Variants in SVEP1 observed in about 807,000 individuals in gnomAD.
SVEP1 encodes the protein sushi, von Willebrand factor type A, EGF and pentraxin domain containing 1, also known as sushi, von Willebrand factor type A, EGF and pentraxin domain-containing protein 1.
SVEP1 carries 164 observed loss-of-function variants against 367.3 expected under a neutral mutation model. The observed-to-expected ratio is 0.45, with a 90% CI of 0.39 to 0.51. The LOEUF (loss-of-function observed/expected upper bound fraction) is 0.51, where lower values mean the gene tolerates loss of function less well. SVEP1 is among the 20% of genes least tolerant of loss of function. SVEP1 has a pLI of 0.00. For synonymous variants in SVEP1, 1,666 were observed against 1,611.6 expected (o/e 1.03, Z -0.81); for missense variants, 4,117 against 4,425.3 (o/e 0.93, Z 1.98).
intron 2 of SVEP1, among the ~76,000 whole-genome samples, chr9:110,547,082 A>C (rs1430921217): frequency 6.6e-6 from 1 of 152,222 alleles, no homozygotes; most frequent in Admixed American, 6.5e-5. Flanking sequence ...GAGTTCCAGC[A>C]AGACACACGG....
At chr9:110,390,577 G>T (rs1444861567) in intron 40 of SVEP1, among the ~76,000 whole-genome samples, 2 of 151,090 alleles carry the variant, frequency 1.3e-5, no homozygotes, top group African/African-American at 4.9e-5. Flanking sequence ...ACATGATCTT[G>T]GTCTAGCAAT....
chr9:110,368,878 A>AT (rs149782474), intron 47 of SVEP1, among the ~76,000 whole-genome samples: 28 of 152,112 alleles, frequency 1.8e-4, no homozygotes, highest in African/African-American at 6.5e-4. Flanking sequence ...CATTAGACAG[A>AT]TTTTTTTGTT....
Position 110,385,886 on chromosome 9 carries a change from C to T in SVEP1, c.10237+12G>A, listed in dbSNP as rs776426381. 9 of 1,610,134 alleles carry T rather than the reference C, an allele frequency of 5.6e-6. 1 individual carries two copies. In the South Asian group the frequency reaches 7.7e-5, roughly 14 times the overall value. On this transcript the variant is annotated intron_variant, in intron 43 of 47. Transcript: ENST00000374469. ...ACTAGCGGCATGAACTGGCTTCCGCCTGCTGACTTACTTTCACATTTGGCG... is the reference window on the plus strand; with the variant it reads ...ACTAGCGGCATGAACTGGCTTCCGCTTGCTGACTTACTTTCACATTTGGCG...
chr9:110,549,271 AT>A (rs1372189547), intron 2 of SVEP1, among the ~76,000 whole-genome samples: 25 of 152,232 alleles, frequency 1.6e-4, no homozygotes, highest in African/African-American at 5.8e-4. Flanking sequence ...TTAAATTATA[AT>A]TTATAATTAA....
rs1203576825 is a variant in SVEP1 at position 110,407,931 on chromosome 9, C to T, written c.7669G>A (p.Asp2557Asn). The change falls in exon 38 of 48, where the codon GAT becomes AAT. Residue 2557 changes from aspartate (D) to asparagine (N), a missense_variant. Around this residue, in one of 4 missense-constraint regions of SVEP1, gnomAD observed 1,765 missense variants for 1,781.1 expected, o/e 0.99. Transcript: ENST00000374469. ...CCATTTTCAATGGGTTGTGGGGAAT[C>T]ACAGTGGATGGCATTGCAAGATGGG... ...DAPSCNAIHCDSPQPIENGFV... is the reference protein window; with the variant it reads ...DAPSCNAIHCNSPQPIENGFV... 5.0e-6 allele frequency: 8 copies of T among 1,614,026 alleles called. No homozygotes were observed. The highest frequency in any genetic ancestry group is 6.8e-6 in the Non-Finnish European group (8 of 1,179,902).
chr9:110,417,192 C>T (rs1564137307), intron 36 of SVEP1, among the ~76,000 whole-genome samples: 1 of 149,952 alleles, frequency 6.7e-6, no homozygotes, highest in African/African-American at 2.5e-5. Context: ...TTCTGCATTT[C>T]CATCTGAGGT....
Position 110,429,175 on chromosome 9 carries a change from A to G in SVEP1, c.5775T>C (p.Ser1925=). Residue 1925 remains serine, a synonymous_variant, in exon 35 of 48, where the codon TCT becomes TCC. Coordinates refer to ENST00000374469, the MANE Select transcript of SVEP1 (RefSeq NM_153366.4). ...KYILSGLTYL[S]TASYSCDTGY... ...CTGTATCGCATGAATATGATGCAGT[A>G]GAAAGGTAGGTAAGCCCACTCAAAA... The G allele has an allele frequency of 6.3e-7, 1 of 1,598,782 alleles. No individual in the cohort carries two copies. The highest frequency in any genetic ancestry group is 1.1e-5 in the South Asian group (1 of 88,472).
chr9:110,464,828 A>T (rs957761125), intron 18 of SVEP1, among the ~76,000 whole-genome samples: 1 of 152,232 alleles, frequency 6.6e-6, no homozygotes, highest in Admixed American at 6.5e-5. Flanking sequence ...TAGGCCAACA[A>T]CAACCTTTTT....
chr9:110,484,754 C>A (rs1328044005), intron 9 of SVEP1, among the ~76,000 whole-genome samples: 2 of 151,316 alleles, frequency 1.3e-5, no homozygotes, highest in African/African-American at 4.9e-5. Context: ...AAAAAAAAAA[C>A]CATTAAAAAG....
intron 3 of SVEP1, 121 bp downstream of exon 3, chr9:110,545,994 T>C: frequency 1.6e-6 from 2 of 1,223,660 alleles, no homozygotes; most frequent in South Asian, 1.5e-5. Flanking sequence ...CCCAAAGAGA[T>C]GTGCCACTGA....
Position 110,407,162 on chromosome 9 carries a change from C to A in SVEP1, c.8438G>T (p.Arg2813Ile), listed in dbSNP as rs558094894. The A allele has an allele frequency of 1.8e-5, 29 of 1,613,904 alleles. No homozygotes were observed. In the South Asian group the frequency reaches 3.0e-4, roughly 16 times the overall value. ...CCAGTTTTTGTCATCCTGGCATGTTCTCCTCTCAGTGCCATTCAGCACATA... is the reference window on the plus strand; with the variant it reads ...CCAGTTTTTGTCATCCTGGCATGTTATCCTCTCAGTGCCATTCAGCACATA... ...PGYVLNGTER[R>I]TCQDDKNWDE... The change falls in exon 38 of 48, where the codon AGA becomes ATA. Residue 2813 changes from arginine (R) to isoleucine (I), a missense_variant. By Grantham distance (97) the Arg-to-Ile change is moderately conservative. This residue lies in a region of SVEP1 where 1,765 missense variants were observed against 1,781.1 expected (regional missense o/e 0.99). Coordinates refer to ENST00000374469, the MANE Select transcript of SVEP1 (RefSeq NM_153366.4).
At position 110,427,636 on chromosome 9, in the gene SVEP1, T is replaced by C; in HGVS notation, c.5930A>G (p.Asn1977Ser). 1 of 1,613,904 alleles carries C rather than the reference T, an allele frequency of 6.2e-7. No homozygotes were observed. ...PAIKDAVITG[N>S]NFTFRNTVTY... is the part of the protein sequence containing the mutation. ...GACGGTGTTCCTGAAAGTGAAGTTA[T>C]TCCCCGTAATGACAGCATCTTTGAT... The change falls in exon 36 of 48, where the codon AAT (asparagine) becomes AGT (serine). Residue 1977 changes from asparagine (N) to serine (S), a missense_variant. Coordinates refer to ENST00000374469, the MANE Select transcript of SVEP1 (RefSeq NM_153366.4).
chr9:110,479,792 A>T (rs753842179), intron 12 of SVEP1, 36 bp from the exon 13 acceptor site: 2 of 1,577,230 alleles, frequency 1.3e-6, no homozygotes, highest in Non-Finnish European at 1.7e-6. Context: ...TCAGTTGGTT[A>T]GTGTTTTTAA....
At chr9:110,430,075 C>A (rs1447670757) in intron 33 of SVEP1, 71 bp from the exon 34 acceptor site, 3 of 1,476,578 alleles carry the variant, frequency 2.0e-6, no homozygotes, top group Admixed American at 1.9e-5. Context: ...TTTCAAGGGG[C>A]AGCTCAAGAT....
At chr9:110,522,074 T>C (rs1829882817) in intron 3 of SVEP1, among the ~76,000 whole-genome samples, 1 of 152,208 alleles carries the variant, frequency 6.6e-6, no homozygotes, top group Non-Finnish European at 1.5e-5. Context: ...TTATCAAGAC[T>C]GAAAGTACAT....
In SVEP1 at chr9:110,431,960, A is replaced by G; in HGVS notation, c.5308T>C (p.Cys1770Arg). 1 of 1,613,716 alleles carries G rather than the reference A, an allele frequency of 6.2e-7. No individual in the cohort carries two copies. ...SCLNVDGSYI[C>R]SCVPPYTGDG... ...CCTGTGTACGGTGGGACACATGAAC[A>G]TATGTAGGATCCATCTACGTTCAGG... The change falls in exon 32 of 48, where the codon TGT (cysteine) becomes CGT (arginine). Residue 1770 changes from cysteine to arginine, a missense_variant. This residue lies in a region of SVEP1 where 2,174 missense variants were observed against 2,494.3 expected (regional missense o/e 0.87). Transcript: ENST00000374469.
At chr9:110,459,867 C>A (rs1011706174) in intron 18 of SVEP1, among the ~76,000 whole-genome samples, 5 of 151,938 alleles carry the variant, frequency 3.3e-5, no homozygotes, top group African/African-American at 1.2e-4. Flanking sequence ...CTTTCTTCTG[C>A]TTATTAGAAA....
intron 18 of SVEP1, among the ~76,000 whole-genome samples, chr9:110,463,759 G>C (rs1460486832): frequency 6.6e-6 from 1 of 151,942 alleles, no homozygotes; most frequent in African/African-American, 2.4e-5. Flanking sequence ...GAGAAAGTGA[G>C]AAAGGAGTTA....
At chr9:110,486,531 C>T (rs1007537734) in intron 9 of SVEP1, among the ~76,000 whole-genome samples, 1 of 151,022 alleles carries the variant, frequency 6.6e-6, no homozygotes, top group South Asian at 2.1e-4. Context: ...TATTTTCTTT[C>T]TCTCTCTCTC....
Sources: allele counts gnomAD v4.1 joint callset (sites outside exome capture counted in the v4.1 genomes callset), GRCh38; gene constraint gnomAD v4.1.1; regional missense constraint gnomAD v4.1.1; transcripts MANE v1.5; gene names NCBI Gene and HGNC (gene_info 2026-07-23, HGNC 2026-07-21).